Variants in TMED3 observed in about 807,000 individuals in gnomAD.
The protein encoded by TMED3 is transmembrane emp24 domain-containing protein 3.
Under a neutral mutation model 15.0 loss-of-function variants are expected in TMED3, and 9 were observed. That is an observed-to-expected ratio of 0.60 (90% CI 0.36 to 1.04). The LOEUF is 1.04. Ranked by LOEUF, TMED3 falls within the 50% of genes least tolerant of loss-of-function variation. The probability of loss-of-function intolerance (pLI) is 0.01; values close to 1 mark genes in which losing one functional copy is unlikely to be tolerated. For missense variants in TMED3, 267 were observed against 278.9 expected (o/e 0.96, Z 0.30); for synonymous variants, 117 against 121.4 (o/e 0.96, Z 0.24).
At chr15:79,346,484 A>T (rs953020751) in intron 2 of TMED3, among the ~76,000 whole-genome samples, 3 of 152,138 alleles carry the variant, frequency 2.0e-5, no homozygotes, top group Non-Finnish European at 4.4e-5. Flanking sequence ...CTGCCACCAT[A>T]TATATGTGCC....
intron 2 of TMED3, among the ~76,000 whole-genome samples, chr15:79,355,412 G>GTTTTTT: frequency 6.6e-6 from 1 of 152,042 alleles, no homozygotes. Flanking sequence ...TGATTGGAGG[G>GTTTTTT]AAGGAACTGT....
chr15:79,340,420 A>G (rs1012832109), intron 2 of TMED3, among the ~76,000 whole-genome samples: 2 of 152,192 alleles, frequency 1.3e-5, no homozygotes, highest in Admixed American at 1.3e-4. Flanking sequence ...CCCAGCCAGC[A>G]TCTATCTGGA....
chr15:79,311,260 C>CT lies in TMED3; in HGVS notation c.12dup (p.Val5CysfsTer62). The CT allele has an allele frequency of 6.2e-7, 1 of 1,601,922 alleles. No individual in the cohort carries two copies. ...GGGACCGAGAGCATCATGGGCAGCA[C>CT]TGTCCCGCGCTCCGCCTCCGTGCTG... On this transcript the variant is annotated frameshift_variant, in exon 1 of 3. Transcript: ENST00000299705. LOFTEE classifies it high-confidence loss of function.
intron 2 of TMED3, among the ~76,000 whole-genome samples, chr15:79,362,775 T>A (rs1008459674): frequency 6.6e-6 from 1 of 152,222 alleles, no homozygotes; most frequent in Non-Finnish European, 1.5e-5. Flanking sequence ...GTGACTTTGC[T>A]CTTCCTCTGT....
intron 2 of TMED3, among the ~76,000 whole-genome samples, chr15:79,358,369 G>T (rs980088984): frequency 6.6e-6 from 1 of 152,222 alleles, no homozygotes; most frequent in Non-Finnish European, 1.5e-5. Flanking sequence ...TTATTTCTGA[G>T]GTTTCAGACA....
At chr15:79,342,013 C>T (rs1279042658) in intron 2 of TMED3, among the ~76,000 whole-genome samples, 3 of 151,964 alleles carry the variant, frequency 2.0e-5, no homozygotes, top group African/African-American at 7.3e-5. Flanking sequence ...ATAAAAATGA[C>T]ACATAAAAAC....
intron 2 of TMED3, among the ~76,000 whole-genome samples, chr15:79,359,230 GTT>G (rs5813967): frequency 0.091 from 11,131 of 122,154 alleles, 378 homozygotes; most frequent in Admixed American, 0.12. Context: ...AGAAGGCTCA[GTT>G]TTTTTTTTTT....
intron 2 of TMED3, among the ~76,000 whole-genome samples, chr15:79,408,650 C>T (rs1468704097): frequency 6.6e-6 from 1 of 152,058 alleles, no homozygotes; most frequent in Non-Finnish European, 1.5e-5. Flanking sequence ...CCCCTGGAAG[C>T]CAGAAACCCA....
chr15:79,336,253 T>C (rs1291373802), intron 2 of TMED3, among the ~76,000 whole-genome samples: 1 of 152,190 alleles, frequency 6.6e-6, no homozygotes, highest in Non-Finnish European at 1.5e-5. Context: ...AATCTTCCCC[T>C]CTCTGAACCT....
At chr15:79,406,921 A>C (rs1216182988) in intron 2 of TMED3, among the ~76,000 whole-genome samples, 1 of 152,200 alleles carries the variant, frequency 6.6e-6, no homozygotes, top group African/African-American at 2.4e-5. Context: ...GCCTAGTTCT[A>C]TGCAGCATTT....
intron 2 of TMED3, 95 bp downstream of exon 2, chr15:79,314,100 T>A (rs2058730337): frequency 6.6e-7 from 1 of 1,506,352 alleles, no homozygotes; most frequent in African/African-American, 1.4e-5. Flanking sequence ...TCATCATCCA[T>A]CCAGCTCCCA....
chr15:79,322,399 A>T lies in TMED3; in HGVS notation c.*185A>T. 7.0e-7 allele frequency: 1 copy of T among 1,430,868 alleles called. No individual in the cohort carries two copies. The highest frequency in any genetic ancestry group is 9.1e-7 in the Non-Finnish European group (1 of 1,096,552). The allele number at this position is 1,430,868 out of a possible 1,614,324, so 88.6% of individuals were successfully genotyped here. On this transcript the variant is annotated 3_prime_UTR_variant, in exon 3 of 3. Transcript: ENST00000299705. ...GCAGCTGAAGGTCTCAGAGACCAGTAATCAGAAGGCATCCGACTGCATTAA... is the reference window on the plus strand; with the variant it reads ...GCAGCTGAAGGTCTCAGAGACCAGTTATCAGAAGGCATCCGACTGCATTAA...
chr15:79,350,013 C>T (rs2058885870), intron 2 of TMED3, among the ~76,000 whole-genome samples: 1 of 152,130 alleles, frequency 6.6e-6, no homozygotes, highest in African/African-American at 2.4e-5. Flanking sequence ...CTGTTTCCTT[C>T]CAGTAGAACA....
At chr15:79,359,900 C>G (rs899373102) in intron 2 of TMED3, among the ~76,000 whole-genome samples, 5 of 152,172 alleles carry the variant, frequency 3.3e-5, no homozygotes, top group African/African-American at 1.2e-4. Flanking sequence ...AGGTCTTGCT[C>G]TTATGCTTCA....
intron 2 of TMED3, among the ~76,000 whole-genome samples, chr15:79,370,426 G>T (rs895359353): frequency 6.6e-6 from 1 of 152,244 alleles, no homozygotes; most frequent in Non-Finnish European, 1.5e-5. Context: ...GCAGGCAGGA[G>T]TAGGGGTTCC....
rs543277611 is a variant in TMED3, at chr15:79,401,081, T to C, written c.418-10319T>C. Among the ~76,000 whole-genome samples the C allele has an allele frequency of 1.8e-4, 27 of 152,226 alleles. No homozygotes were observed. In the East Asian group the frequency reaches 5.0e-3, roughly 28 times the overall value. On this transcript the variant is annotated intron_variant, in intron 2 of 2. Coordinates refer to the TMED3 transcript ENST00000424155. Reference sequence around the variant, plus strand: ...AGACCCCATATATTTTACCATACCATGGGGAGTGACTACTATGCGCCTTAG... The same window carrying C: ...AGACCCCATATATTTTACCATACCACGGGGAGTGACTACTATGCGCCTTAG...
chr15:79,315,480 A>C (rs965297236), intron 2 of TMED3, among the ~76,000 whole-genome samples: 1 of 152,178 alleles, frequency 6.6e-6, no homozygotes, highest in Admixed American at 6.5e-5. Flanking sequence ...TCTGTTGGCC[A>C]CTGTTGAGAC....
intron 2 of TMED3, among the ~76,000 whole-genome samples, chr15:79,357,220 C>T (rs545125610): frequency 5.0e-4 from 76 of 151,730 alleles, no homozygotes; most frequent in Middle Eastern, 3.4e-3. Context: ...CATGGTGGCT[C>T]GTGTGTATAA....
intron 2 of TMED3, among the ~76,000 whole-genome samples, chr15:79,368,173 C>T (rs981141554): frequency 7.2e-5 from 11 of 152,174 alleles, no homozygotes; most frequent in African/African-American, 2.7e-4. Flanking sequence ...CTATTACCTT[C>T]TTGCTTATCA....
Sources: allele counts gnomAD v4.1 joint callset (sites outside exome capture counted in the v4.1 genomes callset), GRCh38; gene constraint gnomAD v4.1.1; transcripts MANE v1.5; gene names NCBI Gene and HGNC (gene_info 2026-07-23, HGNC 2026-07-21).